Variants in CSMD1 observed in about 807,000 individuals in gnomAD.
The protein encoded by CSMD1 is CUB and Sushi multiple domains 1.
CSMD1 carries 213 observed loss-of-function variants against 417.5 expected under a neutral mutation model. The observed-to-expected ratio is 0.51, with a 90% CI of 0.46 to 0.57. The LOEUF (loss-of-function observed/expected upper bound fraction) is 0.57. Ranked by LOEUF, CSMD1 falls within the 20% of genes least tolerant of loss-of-function variation. The pLI is 0.00. For missense variants in CSMD1, 6,923 were observed against 4,529.7 expected (o/e 1.53, Z -15.17); for synonymous variants, 2,862 against 1,736.8 (o/e 1.65, Z -16.11).
chr8:4,594,036 G>T (rs959857189), intron 2 of CSMD1, among the ~76,000 whole-genome samples: 1 of 151,886 alleles, frequency 6.6e-6, no homozygotes, highest in Non-Finnish European at 1.5e-5. Flanking sequence ...GTGCTCCTTG[G>T]CTGGAAGAAT....
chr8:4,287,013 T>C (rs1426388363), intron 3 of CSMD1, among the ~76,000 whole-genome samples: 4 of 152,142 alleles, frequency 2.6e-5, no homozygotes, highest in East Asian at 1.9e-4. Flanking sequence ...TAAGTTTCAC[T>C]TGAAAAATAA....
intron 25 of CSMD1, among the ~76,000 whole-genome samples, chr8:3,288,073 G>C (rs1463954955): frequency 6.8e-6 from 1 of 147,260 alleles, no homozygotes; most frequent in Non-Finnish European, 1.5e-5. Flanking sequence ...TGTGGTTTTT[G>C]TCTTTGGTTC....
intron 5 of CSMD1, among the ~76,000 whole-genome samples, chr8:3,763,941 A>G (rs1285338652): frequency 6.6e-6 from 1 of 152,152 alleles, no homozygotes; most frequent in African/African-American, 2.4e-5. Flanking sequence ...AAAAGATCCC[A>G]TAACTCACTT....
At chr8:3,924,678 T>G (rs1012972443) in intron 5 of CSMD1, among the ~76,000 whole-genome samples, 4 of 152,190 alleles carry the variant, frequency 2.6e-5, no homozygotes, top group African/African-American at 9.6e-5. Flanking sequence ...AGTGTAATCA[T>G]TGTTCTCTTT....
intron 26 of CSMD1, among the ~76,000 whole-genome samples, chr8:3,253,009 A>G (rs540392738): frequency 1.2e-4 from 18 of 152,236 alleles, no homozygotes; most frequent in African/African-American, 4.3e-4. Context: ...TTTTCAAAAA[A>G]CCAGCTCCTG....
At chr8:4,453,349 C>G (rs565145786) in intron 2 of CSMD1, among the ~76,000 whole-genome samples, 49 of 152,286 alleles carry the variant, frequency 3.2e-4, no homozygotes, top group African/African-American at 1.2e-3. Flanking sequence ...CCAACTGCCC[C>G]AGTCTGCTGG....
chr8:4,543,537 C>G (rs990064332), intron 2 of CSMD1, among the ~76,000 whole-genome samples: 4 of 151,948 alleles, frequency 2.6e-5, no homozygotes, highest in African/African-American at 7.3e-5. Flanking sequence ...ATTCACCAAC[C>G]GAAACACATA....
intron 46 of CSMD1, 116 bp downstream of exon 46, chr8:3,106,411 TA>T: frequency 1.6e-6 from 1 of 616,722 alleles, no homozygotes; most frequent in South Asian, 2.9e-5. Context: ...GATAAATAAA[TA>T]AATAATAAAC....
intron 5 of CSMD1, among the ~76,000 whole-genome samples, chr8:3,986,643 C>T (rs560043634): frequency 5.9e-5 from 9 of 152,258 alleles, no homozygotes; most frequent in Admixed American, 4.6e-4. Context: ...TAAAGTACTG[C>T]TTTCCTTATA....
At chr8:3,571,507 G>C (rs763519264) in intron 10 of CSMD1, among the ~76,000 whole-genome samples, 40 of 152,290 alleles carry the variant, frequency 2.6e-4, no homozygotes, top group Non-Finnish European at 5.1e-4. Context: ...TGCGACAGAA[G>C]CAAGAATGCT....
chr8:4,248,619 C>G (rs146085624), intron 3 of CSMD1, among the ~76,000 whole-genome samples: 100 of 152,282 alleles, frequency 6.6e-4, no homozygotes, highest in African/African-American at 2.2e-3. Context: ...CTCGAAAAGA[C>G]CTTTTCTGAT....
intron 3 of CSMD1, among the ~76,000 whole-genome samples, chr8:4,292,159 G>T (rs896745567): frequency 6.6e-6 from 1 of 152,168 alleles, no homozygotes; most frequent in African/African-American, 2.4e-5. Flanking sequence ...ACCCAGGTGA[G>T]CCCGGTCATA....
At chr8:4,359,245 T>C (rs867364889) in intron 3 of CSMD1, among the ~76,000 whole-genome samples, 33 of 152,290 alleles carry the variant, frequency 2.2e-4, no homozygotes, top group African/African-American at 7.7e-4. Flanking sequence ...CCTTCTGAGA[T>C]TACTTCACTC....
chr8:3,489,949 C>T (rs1012094918), intron 11 of CSMD1, among the ~76,000 whole-genome samples: 1 of 152,164 alleles, frequency 6.6e-6, no homozygotes, highest in East Asian at 1.9e-4. Context: ...CCTCTGACTT[C>T]GTATACTGAC....
intron 1 of CSMD1, among the ~76,000 whole-genome samples, chr8:4,751,693 C>T (rs922812779): frequency 6.6e-6 from 1 of 152,144 alleles, no homozygotes; most frequent in South Asian, 2.1e-4. Context: ...GCTACCCTTT[C>T]TCTGAAACAC....
intron 5 of CSMD1, among the ~76,000 whole-genome samples, chr8:3,976,235 C>G (rs939139599): frequency 1.3e-5 from 2 of 151,638 alleles, no homozygotes; most frequent in South Asian, 2.1e-4. Flanking sequence ...ACTTTAAATA[C>G]CATTTTAAAA....
chr8:4,135,071 C>G (rs1025183149), intron 3 of CSMD1, among the ~76,000 whole-genome samples: 1 of 151,950 alleles, frequency 6.6e-6, no homozygotes, highest in Non-Finnish European at 1.5e-5. Flanking sequence ...AGTGAGTTCA[C>G]ATAGAATGAA....
chr8:4,964,157 G>A (rs1563884408), intron 1 of CSMD1, among the ~76,000 whole-genome samples: 1 of 151,840 alleles, frequency 6.6e-6, no homozygotes, highest in Non-Finnish European at 1.5e-5. Context: ...AAGACTTCAG[G>A]ACCAAGGAGG....
intron 3 of CSMD1, among the ~76,000 whole-genome samples, chr8:4,209,260 C>T (rs955374666): frequency 6.6e-6 from 1 of 152,238 alleles, no homozygotes; most frequent in South Asian, 2.1e-4. Context: ...AAGAGGCAGC[C>T]AGCTGGCCTC....
Sources: gnomAD v4.1 joint callset for allele counts (sites outside exome capture counted in the v4.1 genomes callset) on GRCh38, gnomAD v4.1.1 for gene constraint, MANE v1.5 for transcripts, NCBI Gene and HGNC (gene_info 2026-07-23, HGNC 2026-07-21) for gene names.